Variants in UNC13C observed in about 807,000 individuals in gnomAD.
The protein encoded by UNC13C is protein unc-13 homolog C.
UNC13C carries 174 observed loss-of-function variants against 245.4 expected under a neutral mutation model. The ratio of observed to expected loss-of-function variants is 0.71; its 90% confidence interval spans 0.63 to 0.80. The LOEUF (loss-of-function observed/expected upper bound fraction) is 0.80, where lower values mean the gene tolerates loss of function less well. Among genes scored for constraint, UNC13C ranks in the 30% least tolerant of loss-of-function variants. The pLI is 0.00. For missense variants in UNC13C, 2,829 were observed against 2,602.9 expected, an observed-to-expected ratio of 1.09 and a Z score of -1.89; for synonymous variants, 992 against 895.1, an observed-to-expected ratio of 1.11 and a Z score of -1.93.
chr15:54,388,669 A>G (rs2039888573), intron 17 of UNC13C, among the ~76,000 whole-genome samples: 2 of 152,180 alleles, frequency 1.3e-5, no homozygotes, highest in Non-Finnish European at 1.5e-5. Context: ...CTTCCGTTTC[A>G]GCAGGGGCCT....
At chr15:53,928,865 C>T in the UNC13C span, among the ~76,000 whole-genome samples, 2 of 152,164 alleles carry the variant, frequency 1.3e-5, no homozygotes, top group African/African-American at 4.8e-5. Context: ...AAGAGAAGAG[C>T]ATGTTCTTTA....
At chr15:54,072,013 A>G (rs1320152624) in intron 2 of UNC13C, among the ~76,000 whole-genome samples, 6 of 152,106 alleles carry the variant, frequency 3.9e-5, no homozygotes, top group Non-Finnish European at 1.5e-5. Flanking sequence ...ATGACCTTAG[A>G]TTTGCTTCTA....
At chr15:54,382,772 G>T (rs1306544681) in intron 17 of UNC13C, among the ~76,000 whole-genome samples, 2 of 152,140 alleles carry the variant, frequency 1.3e-5, no homozygotes, top group African/African-American at 4.8e-5. Flanking sequence ...GTTGTTCAAA[G>T]AGATTTAAAC....
chr15:54,490,880 C>T (rs1036183467), intron 19 of UNC13C, among the ~76,000 whole-genome samples: 1 of 152,136 alleles, frequency 6.6e-6, no homozygotes, highest in African/African-American at 2.4e-5. Flanking sequence ...CTCTCTCCCA[C>T]TAAATACCAC....
chr15:54,245,379 C>T (rs1220379152), intron 7 of UNC13C, among the ~76,000 whole-genome samples: 1 of 151,938 alleles, frequency 6.6e-6, no homozygotes, highest in Non-Finnish European at 1.5e-5. Context: ...TTGGACTCAC[C>T]CCATAAGTTT....
the UNC13C span, among the ~76,000 whole-genome samples, chr15:53,850,902 T>C: frequency 6.6e-6 from 1 of 152,054 alleles, no homozygotes; most frequent in South Asian, 2.1e-4. Flanking sequence ...CATTTCATTT[T>C]GGAAAGTGCT....
Position 54,020,219 on chromosome 15 carries a change from A to T in UNC13C, c.2983+4333A>T, listed in dbSNP as rs146909139. On this transcript the variant is annotated intron_variant, in intron 2 of 32. Transcript: ENST00000260323. ...CGGCGTTCTTAATTTCCCCCTTTTTAAACTTGAAAGAGATAAAATCAGTCT... is the reference window on the plus strand; with the variant it reads ...CGGCGTTCTTAATTTCCCCCTTTTTTAACTTGAAAGAGATAAAATCAGTCT... Among the ~76,000 whole-genome samples, 83 of 152,144 alleles carry T rather than the reference A, an allele frequency of 5.5e-4. 1 individual carries two copies. The highest frequency in any genetic ancestry group is 2.0e-3 in the African/African-American group (83 of 41,542).
At chr15:54,058,893 CT>C (rs1340927750) in intron 2 of UNC13C, among the ~76,000 whole-genome samples, 1 of 152,096 alleles carries the variant, frequency 6.6e-6, no homozygotes, top group Non-Finnish European at 1.5e-5. Context: ...CAGAAAAGGC[CT>C]TTGACAAAAT....
intron 5 of UNC13C, 52 bp downstream of exon 5, chr15:54,235,160 T>C (rs1196227281): frequency 1.3e-6 from 2 of 1,507,950 alleles, no homozygotes; most frequent in East Asian, 2.3e-5. Flanking sequence ...TTTTTTTCCT[T>C]ACTAAAATGT....
chr15:54,032,979 C>T (rs961333237), intron 2 of UNC13C, among the ~76,000 whole-genome samples: 1 of 152,024 alleles, frequency 6.6e-6, no homozygotes, highest in Non-Finnish European at 1.5e-5. Context: ...TTTGGGGACT[C>T]AGGGTGAAAG....
intron 1 of UNC13C, among the ~76,000 whole-genome samples, chr15:53,993,694 GTTA>G (rs1894489893): frequency 6.6e-6 from 1 of 152,030 alleles, no homozygotes. Context: ...TATTCTAATT[GTTA>G]TTGTTGTTGT....
intron 4 of UNC13C, among the ~76,000 whole-genome samples, chr15:54,193,437 A>AT (rs1338894063): frequency 6.6e-6 from 1 of 151,930 alleles, no homozygotes; most frequent in African/African-American, 2.4e-5. Context: ...TATCCTTTTT[A>AT]TTTTTTGCCC....
intron 1 of UNC13C, among the ~76,000 whole-genome samples, chr15:54,004,018 C>CAAACAAAAA (rs1344165062): frequency 6.6e-6 from 1 of 152,050 alleles, no homozygotes; most frequent in East Asian, 1.9e-4. Flanking sequence ...CTGAAACAAA[C>CAAACAAAAA]AAACAAACAA....
chr15:54,053,249 C>G (rs1897350226), intron 2 of UNC13C, among the ~76,000 whole-genome samples: 3 of 151,982 alleles, frequency 2.0e-5, no homozygotes, highest in Non-Finnish European at 1.5e-5. Context: ...TCAGGCTGGT[C>G]TCGAACTCCT....
At chr15:54,223,168 C>G (rs1325963987) in intron 4 of UNC13C, among the ~76,000 whole-genome samples, 1 of 152,004 alleles carries the variant, frequency 6.6e-6, no homozygotes, top group African/African-American at 2.4e-5. Flanking sequence ...AAATCTTTGC[C>G]CAGACCAATG....
chr15:53,965,170 T>C, the UNC13C span, among the ~76,000 whole-genome samples: 5 of 152,174 alleles, frequency 3.3e-5, no homozygotes, highest in Non-Finnish European at 1.5e-5. Flanking sequence ...TTTTATTATG[T>C]AAAATTTTTA....
chr15:53,855,439 A>C, the UNC13C span, among the ~76,000 whole-genome samples: 1 of 152,152 alleles, frequency 6.6e-6, no homozygotes, highest in Non-Finnish European at 1.5e-5. Context: ...TTTTGTCATA[A>C]ATGGCTCTCA....
intron 18 of UNC13C, among the ~76,000 whole-genome samples, chr15:54,407,363 T>C (rs2040315801): frequency 1.3e-5 from 2 of 152,118 alleles, no homozygotes; most frequent in Non-Finnish European, 2.9e-5. Context: ...ACACTGTGGA[T>C]CGTGGCAGAG....
At chr15:54,020,518 C>T (rs978279041) in intron 2 of UNC13C, among the ~76,000 whole-genome samples, 11 of 148,420 alleles carry the variant, frequency 7.4e-5, no homozygotes, top group Non-Finnish European at 1.2e-4. Context: ...CTCCTGACCT[C>T]GTGATCTGCC....
Sources: allele counts gnomAD v4.1 joint callset (sites outside exome capture counted in the v4.1 genomes callset), GRCh38; gene constraint gnomAD v4.1.1; transcripts MANE v1.5; gene names NCBI Gene and HGNC (gene_info 2026-07-23, HGNC 2026-07-21).